The following PAMR1 variants were observed in gnomAD, a reference collection of about 807,000 sequenced individuals.
The protein encoded by PAMR1 is inactive serine protease PAMR1.
Under a neutral mutation model 81.8 loss-of-function variants are expected in PAMR1, and 88 were observed. The ratio of observed to expected loss-of-function variants is 1.08; its 90% CI spans 0.91 to 1.28. The LOEUF is 1.28. Ranked by LOEUF, PAMR1 falls within the 50% of genes most tolerant of loss-of-function variation. The pLI is 0.00. For synonymous variants in PAMR1, 336 were observed against 345.3 expected, an observed-to-expected ratio of 0.97 and a Z score of 0.30; for missense variants, 935 against 919.7, an observed-to-expected ratio of 1.02 and a Z score of -0.21.
At chr11:35,507,774 C>T (rs1239185647) in intron 1 of PAMR1, among the ~76,000 whole-genome samples, 1 of 140,790 alleles carries the variant, frequency 7.1e-6, no homozygotes, top group African/African-American at 2.6e-5. Context: ...CTTAGAAATT[C>T]TTTGTAATTT....
intron 2 of PAMR1, among the ~76,000 whole-genome samples, chr11:35,493,355 A>T (rs142689809): frequency 4.5e-3 from 684 of 152,218 alleles, no homozygotes; most frequent in Middle Eastern, 6.8e-3. Context: ...GCACTTCAGG[A>T]TCTGGCTCTT....
chr11:35,509,824 C>T, intron 1 of PAMR1, among the ~76,000 whole-genome samples: 1 of 152,164 alleles, frequency 6.6e-6, no homozygotes, highest in East Asian at 1.9e-4. Context: ...AAGAGCTGGG[C>T]CAACTTGTAG....
intron 10 of PAMR1, among the ~76,000 whole-genome samples, 183 bp from the exon 11 acceptor site, chr11:35,433,075 G>A (rs1292573957): frequency 6.6e-6 from 1 of 152,182 alleles, no homozygotes; most frequent in Non-Finnish European, 1.5e-5. Context: ...GCAAACTAAA[G>A]TGCTTTCTAG....
At chr11:35,523,085 T>G (rs1168563299) in intron 1 of PAMR1, among the ~76,000 whole-genome samples, 5 of 152,222 alleles carry the variant, frequency 3.3e-5, no homozygotes, top group Non-Finnish European at 7.3e-5. Context: ...AACACCCTCT[T>G]CATGATCCCC....
chr11:35,469,254 T>C (rs1400802605), intron 5 of PAMR1, among the ~76,000 whole-genome samples: 1 of 151,944 alleles, frequency 6.6e-6, no homozygotes, highest in Non-Finnish European at 1.5e-5. Flanking sequence ...GTTTGAAAAA[T>C]GGGAAGTGGT....
At chr11:35,516,469 A>G (rs921892472) in intron 1 of PAMR1, among the ~76,000 whole-genome samples, 1 of 152,204 alleles carries the variant, frequency 6.6e-6, no homozygotes, top group African/African-American at 2.4e-5. Flanking sequence ...GATGTCCTTT[A>G]AAGGAGCAGC....
At chr11:35,464,736 C>A (rs1856727608) in intron 6 of PAMR1, among the ~76,000 whole-genome samples, 1 of 152,142 alleles carries the variant, frequency 6.6e-6, no homozygotes, top group Admixed American at 6.5e-5. Context: ...CCACTGGGAA[C>A]CAGGATTGGC....
At chr11:35,517,291 T>A (rs1316276288) in intron 1 of PAMR1, among the ~76,000 whole-genome samples, 2 of 152,236 alleles carry the variant, frequency 1.3e-5, no homozygotes, top group Admixed American at 6.5e-5. Context: ...CATCATCTCA[T>A]GGCCCTTTCA....
rs764391713 is a variant in PAMR1, at chr11:35,434,658, C to T, written c.1480G>A (p.Val494Met). The change falls in exon 10 of 11, where the codon GTG (valine) becomes ATG (methionine). Residue 494 changes from valine (V) to methionine (M), a missense_variant. By Grantham distance (21) the Val-to-Met change is conservative. Transcript: ENST00000619888. ...GCCACCACCACAGTGCGCTCATTCA[C>T]CAGGGCACCGCTGCAGACTAGGAAC... ...AWFLVCSGAL[V>M]NERTVVVAAH... The T allele has an allele frequency of 2.5e-6, 4 of 1,614,138 alleles. No homozygotes were observed. The South Asian group carries it at 3.3e-5, about 13-fold the overall frequency.
intron 1 of PAMR1, among the ~76,000 whole-genome samples, chr11:35,511,534 T>C (rs1002553845): frequency 6.6e-6 from 1 of 152,224 alleles, no homozygotes; most frequent in Non-Finnish European, 1.5e-5. Context: ...TGCCTGTTCC[T>C]CTTCCTTGAT....
intron 5 of PAMR1, among the ~76,000 whole-genome samples, chr11:35,470,259 C>A (rs559114006): frequency 5.3e-5 from 8 of 152,260 alleles, no homozygotes; most frequent in African/African-American, 1.7e-4. Flanking sequence ...GCCAATGCTC[C>A]CAACCATGAG....
Position 35,477,684 on chromosome 11 carries a change from T to C in PAMR1, c.380-2940A>G, listed in dbSNP as rs142962203. On this transcript the variant is annotated intron_variant, in intron 3 of 10. Transcript: ENST00000619888. ...TCTTAGCAGGAAAATTAGTAAATGT[T>C]AGCTGTTTGTATCGAGTGGCAGAGC... Among the ~76,000 whole-genome samples, 348 of 152,320 alleles carry C rather than the reference T, an allele frequency of 2.3e-3. 1 individual carries two copies. The highest frequency in any genetic ancestry group is 7.9e-3 in the African/African-American group (328 of 41,566).
intron 1 of PAMR1, among the ~76,000 whole-genome samples, chr11:35,524,753 G>A (rs12224865): frequency 1.3e-5 from 2 of 152,260 alleles, no homozygotes; most frequent in East Asian, 1.9e-4. Flanking sequence ...CCATGTCCTC[G>A]CTTCTGCCCT....
chr11:35,471,366 T>G (rs778557695), intron 4 of PAMR1, among the ~76,000 whole-genome samples: 103 of 152,208 alleles, frequency 6.8e-4, no homozygotes, highest in Non-Finnish European at 1.2e-3. Context: ...GTTTTCACAG[T>G]GTCCAGCGCA....
chr11:35,491,643 G>A (rs1196292057), intron 3 of PAMR1, among the ~76,000 whole-genome samples: 2 of 152,146 alleles, frequency 1.3e-5, no homozygotes, highest in South Asian at 2.1e-4. Context: ...AATTTGCTGT[G>A]GGTTGCAGGA....
intron 10 of PAMR1, 84 bp downstream of exon 10, chr11:35,434,428 A>C: frequency 8.1e-5 from 109 of 1,352,114 alleles, no homozygotes; most frequent in Non-Finnish European, 1.0e-4. Flanking sequence ...CTAAGGGGAC[A>C]GAGCTTGGTA....
At chr11:35,438,856 G>C (rs928215864) in intron 8 of PAMR1, among the ~76,000 whole-genome samples, 2 of 152,190 alleles carry the variant, frequency 1.3e-5, no homozygotes, top group Non-Finnish European at 2.9e-5. Context: ...ATCTTTAAAA[G>C]GATATTTAGG....
rs145785109 is a variant in PAMR1, at chr11:35,434,591, T to C, written c.1547A>G (p.Lys516Arg). ...VTDLGKVTMI[K>R]TADLKVVLGK... ...CAAAACAACTTTCAGGTCTGCTGTC[T>C]TGATCATGGTGACCTTCCCCAGGTC... The change falls in exon 10 of 11, where the codon AAG (lysine) becomes AGG (arginine). Residue 516 changes from lysine to arginine, a missense_variant. Physicochemically the swap from Lys to Arg is conservative, Grantham distance 26. Transcript: ENST00000619888. The C allele has an allele frequency of 2.5e-5, 41 of 1,614,002 alleles. No individual in the cohort carries two copies. In the Middle Eastern group the frequency reaches 1.5e-3, roughly 58 times the overall value.
Position 35,525,537 on chromosome 11 carries a change from G to A in PAMR1, c.49C>T (p.Leu17Phe), listed in dbSNP as rs2135431351. The change falls in exon 1 of 11, where the codon CTT (leucine) becomes TTT (phenylalanine). Residue 17 changes from leucine to phenylalanine, a missense_variant. Transcript: ENST00000619888. Reference protein sequence around the residue: ...TQLGLTFLQLLLISSLPREYT... With the variant: ...TQLGLTFLQLFLISSLPREYT... ...CCTCTTGGCAAGGACGAGATGAGAA[G>A]GAGCTGAAGAAAAGTGAGCCCCAAC... 6.2e-7 allele frequency: 1 copy of A among 1,614,056 alleles called. No homozygotes were observed. The highest frequency in any genetic ancestry group is 8.5e-7 in the Non-Finnish European group (1 of 1,179,958).
Sources: allele counts gnomAD v4.1 joint callset (sites outside exome capture counted in the v4.1 genomes callset), GRCh38; gene constraint gnomAD v4.1.1; transcripts MANE v1.5; gene names NCBI Gene and HGNC (gene_info 2026-07-23, HGNC 2026-07-21).